Variants in XPC observed in about 807,000 individuals in gnomAD.
The protein encoded by XPC is XPC complex subunit, DNA damage recognition and repair factor, also known as DNA repair protein complementing XP-C cells.
Under a neutral mutation model 95.8 loss-of-function variants are expected in XPC, and 76 were observed. The ratio of observed to expected loss-of-function variants is 0.79; its 90% CI spans 0.66 to 0.96. The LOEUF (loss-of-function observed/expected upper bound fraction) is 0.96. XPC is among the 40% of genes least tolerant of loss of function. XPC has a pLI of 0.00. For synonymous variants in XPC, 442 were observed against 442.1 expected, an observed-to-expected ratio of 1.00 and a Z score of 0.00; for missense variants, 1,146 against 1,179.8, an observed-to-expected ratio of 0.97 and a Z score of 0.42.
In XPC at chr3:14,148,559, C is replaced by G. The variant is rs757316607; in HGVS notation, c.2420+3G>C. 1 of 1,613,560 alleles carries G rather than the reference C, an allele frequency of 6.2e-7. No homozygotes were observed. Among genetic ancestry groups the G allele is most frequent in the Non-Finnish European group, 8.5e-7 (1 of 1,179,806 alleles). On this transcript the variant is annotated splice_donor_region_variant and intron_variant, in intron 13 of 15. Coordinates refer to ENST00000285021, the MANE Select transcript of XPC (RefSeq NM_004628.5). ...TAGCCTCCATCGAAGGCCCCTCACGCACACGGGATGGGAGTAGCCGCCATG... is the reference window on the plus strand; with the variant it reads ...TAGCCTCCATCGAAGGCCCCTCACGGACACGGGATGGGAGTAGCCGCCATG...
chr3:14,147,638 G>T, intron 14 of XPC: 1 of 602,272 alleles, frequency 1.7e-6, no homozygotes, highest in Non-Finnish European at 2.9e-6. Context: ...CCAGAACCTG[G>T]ACACAGGCAA....
intron 2 of XPC, 77 bp downstream of exon 2, chr3:14,172,790 G>A: frequency 6.7e-7 from 1 of 1,489,878 alleles, no homozygotes; most frequent in Non-Finnish European, 9.1e-7. Context: ...TGACAAGTAA[G>A]AATAGAGGTT....
At position 14,158,881 on chromosome 3, in the gene XPC, AG is replaced by A. The variant is rs1574963068; in HGVS notation, c.1001del (p.Pro334LeufsTer6). On this transcript the variant is annotated frameshift_variant, in exon 9 of 16. Coordinates refer to ENST00000285021, the MANE Select transcript of XPC (RefSeq NM_004628.5). LOFTEE classifies it high-confidence loss of function. This position sits in a 1 kb window ranked among gnomAD's most constrained non-coding sequence, Gnocchi z 5.2. ...GATCCGCAGTCAATCTTTCCTTGGA[AG>A]GTTTCTTTCCCTTAAACAGAATAAG... ...LKSATAKGKK[P>X]SKERLTADPG... is the part of the protein sequence containing the mutation. 6.2e-7 allele frequency: 1 copy of A among 1,613,922 alleles called. No homozygotes were observed. The highest frequency in any genetic ancestry group is 8.5e-7 in the Non-Finnish European group (1 of 1,179,868).
chr3:14,148,397 C>A, intron 13 of XPC, 165 bp downstream of exon 13: 4 of 947,126 alleles, frequency 4.2e-6, no homozygotes, highest in Non-Finnish European at 4.6e-6. Flanking sequence ...TGGAGGGAAG[C>A]CAGAATTGGT....
At chr3:14,146,205 T>C in intron 15 of XPC, 46 bp from the exon 16 acceptor site, 1 of 1,534,814 alleles carries the variant, frequency 6.5e-7, no homozygotes. Context: ...GGGTTAGTAA[T>C]CAGATACCAG....
At chr3:14,146,787 T>C (rs1413722480) in intron 15 of XPC, among the ~76,000 whole-genome samples, 1 of 152,194 alleles carries the variant, frequency 6.6e-6, no homozygotes. Flanking sequence ...GCACTGACTA[T>C]ACCATGTAAC....
At chr3:14,168,418 A>C in intron 3 of XPC, 38 bp from the exon 4 acceptor site, 1 of 1,610,664 alleles carries the variant, frequency 6.2e-7, no homozygotes, top group Non-Finnish European at 8.5e-7. Context: ...TAATAGTAAT[A>C]ACAATAATAA....
Position 14,167,212 on chromosome 3 carries a change from G to A in XPC, c.578C>T (p.Ala193Val), listed in dbSNP as rs749900259. Residue 193 changes from alanine to valine, a missense_variant, in exon 5 of 16, where the codon GCG becomes GTG. Coordinates refer to ENST00000285021, the MANE Select transcript of XPC (RefSeq NM_004628.5). Reference protein sequence around the residue: ...KLEFETYLRRAMKRFNKGVHE... With the variant: ...KLEFETYLRRVMKRFNKGVHE... Reference sequence around the variant, plus strand: ...GACCCCTTTATTGAAACGTTTCATCGCCCTCCGAAGATATGTCTCAAACTC... The same window carrying A: ...GACCCCTTTATTGAAACGTTTCATCACCCTCCGAAGATATGTCTCAAACTC... 19 of 1,607,842 alleles carry A rather than the reference G, an allele frequency of 1.2e-5. No individual in the cohort carries two copies. The highest frequency in any genetic ancestry group is 1.7e-5 in the Admixed American group (1 of 59,428).
In XPC at chr3:14,158,710, C is replaced by T; in HGVS notation, c.1173G>A (p.Lys391=). ...AKGKRNKGGR[K]KRSKPSSSEE... Reference sequence around the variant, plus strand: ...CGCTGGAGGAGGGCTTGCTCCGTTTCTTTCTGCCTCCCTTGTTCCTCTTCC... The same window carrying T: ...CGCTGGAGGAGGGCTTGCTCCGTTTTTTTCTGCCTCCCTTGTTCCTCTTCC... Residue 391 remains lysine, a synonymous_variant, in exon 9 of 16, where the codon AAG becomes AAA. Coordinates refer to ENST00000285021, the MANE Select transcript of XPC (RefSeq NM_004628.5). The surrounding 1 kb of genome is among the most constrained non-coding windows in gnomAD (Gnocchi z 5.2). The T allele has an allele frequency of 6.2e-7, 1 of 1,613,892 alleles. No homozygotes were observed. Among genetic ancestry groups the T allele is most frequent in the South Asian group, 1.1e-5 (1 of 91,086 alleles).
chr3:14,178,054 T>A (rs1474773250), intron 1 of XPC, among the ~76,000 whole-genome samples: 1 of 152,168 alleles, frequency 6.6e-6, no homozygotes, highest in Non-Finnish European at 1.5e-5. Flanking sequence ...GGAAGTCAGG[T>A]GGGATCCCAC....
intron 8 of XPC, among the ~76,000 whole-genome samples, chr3:14,159,197 C>G (rs746752737): frequency 1.3e-5 from 2 of 152,186 alleles, no homozygotes; most frequent in African/African-American, 2.4e-5. Context: ...TTATTGGTTA[C>G]GTAAATTAGG....
At chr3:14,165,285 T>G in intron 6 of XPC, 143 bp downstream of exon 6, 3 of 1,151,812 alleles carry the variant, frequency 2.6e-6, no homozygotes, top group Non-Finnish European at 3.6e-6. Flanking sequence ...TACCTGGCAT[T>G]TCTCTATCTT....
intron 1 of XPC, among the ~76,000 whole-genome samples, chr3:14,178,001 T>C (rs1696901611): frequency 1.3e-5 from 2 of 152,208 alleles, no homozygotes; most frequent in African/African-American, 2.4e-5. Flanking sequence ...GAGTTCTGCA[T>C]TGCCCATGAC....
chr3:14,168,493 G>A (rs991725591), intron 3 of XPC, 113 bp from the exon 4 acceptor site: 1 of 1,333,508 alleles, frequency 7.5e-7, no homozygotes. Context: ...TGAATGTGAG[G>A]GAGACAGCCC....
intron 11 of XPC, among the ~76,000 whole-genome samples, chr3:14,150,188 C>T (rs1283885866): frequency 6.6e-6 from 1 of 152,202 alleles, no homozygotes; most frequent in East Asian, 1.9e-4. Context: ...GTGAGAGGGG[C>T]GCAGGACAGG....
chr3:14,156,157 TA>T (rs879740208), intron 10 of XPC, among the ~76,000 whole-genome samples, 177 bp downstream of exon 10: 2 of 152,210 alleles, frequency 1.3e-5, no homozygotes, highest in Non-Finnish European at 2.9e-5. Context: ...ATCCCTGTTT[TA>T]ATTTTCAAAT....
intron 7 of XPC, among the ~76,000 whole-genome samples, chr3:14,163,168 T>C (rs1020617385): frequency 6.6e-6 from 1 of 152,350 alleles, no homozygotes; most frequent in Non-Finnish European, 1.5e-5. Context: ...TGTAAAATGG[T>C]ACAGTAACTG....
chr3:14,173,519 C>A (rs1696695158), intron 1 of XPC, among the ~76,000 whole-genome samples: 1 of 152,194 alleles, frequency 6.6e-6, no homozygotes, highest in African/African-American at 2.4e-5. Flanking sequence ...TTTCTGCCAA[C>A]CTTCAAGACC....
At chr3:14,173,106 G>C (rs188078273) in intron 1 of XPC, 44 bp from the exon 2 acceptor site, 1 of 1,476,736 alleles carries the variant, frequency 6.8e-7, no homozygotes, top group Admixed American at 2.6e-5. Context: ...GGAAGGAAAG[G>C]TGGAGGCAGT....
Sources: allele counts gnomAD v4.1 joint callset (sites outside exome capture counted in the v4.1 genomes callset), GRCh38; gene constraint gnomAD v4.1.1; non-coding constraint Gnocchi (gnomAD v3.1); transcripts MANE v1.5; gene names NCBI Gene and HGNC (gene_info 2026-07-23, HGNC 2026-07-21).